CRACDL: variants seen among roughly 807,000 people sequenced by gnomAD.
The protein encoded by CRACDL is CRACD-like protein.
In CRACDL, 26 loss-of-function variants were observed where a neutral mutation model predicts 70.6. That is an observed-to-expected ratio of 0.37 (90% CI 0.27 to 0.51). The LOEUF is 0.51. CRACDL is among the 20% of genes least tolerant of loss of function. The pLI is 0.94. For missense variants in CRACDL, 1,283 were observed against 1,376.9 expected (o/e 0.93, Z 1.08); for synonymous variants, 618 against 615.2 (o/e 1.00, Z -0.07).
At chr2:98,803,947 G>C (rs1704186551) in intron 7 of CRACDL, among the ~76,000 whole-genome samples, 1 of 152,092 alleles carries the variant, frequency 6.6e-6, no homozygotes, top group Non-Finnish European at 1.5e-5. Context: ...GGGACACATG[G>C]GGCCACACCA....
chr2:98,797,308 T>G (rs1180303148), intron 8 of CRACDL, 42 bp downstream of exon 8: 4 of 1,589,436 alleles, frequency 2.5e-6, no homozygotes, highest in Non-Finnish European at 3.4e-6. Context: ...AGCTGGCTGC[T>G]CCCTCCTGCA....
intron 1 of CRACDL, among the ~76,000 whole-genome samples, chr2:98,866,319 G>A (rs1320786958): frequency 6.6e-6 from 1 of 151,954 alleles, no homozygotes; most frequent in Non-Finnish European, 1.5e-5. Flanking sequence ...GGTAAAACTG[G>A]AAGACTAACT....
intron 3 of CRACDL, among the ~76,000 whole-genome samples, chr2:98,833,592 G>A (rs1046283025): frequency 1.3e-5 from 2 of 152,208 alleles, no homozygotes; most frequent in Non-Finnish European, 2.9e-5. Flanking sequence ...CTAGATCCTG[G>A]AGCAGAGATG....
At chr2:98,820,420 G>A (rs1704980236) in intron 7 of CRACDL, among the ~76,000 whole-genome samples, 2 of 151,264 alleles carry the variant, frequency 1.3e-5, no homozygotes, top group Admixed American at 6.6e-5. Flanking sequence ...TGTAATCCCA[G>A]CTACTTGGGA....
At chr2:98,880,941 C>A (rs930112461) in intron 1 of CRACDL, among the ~76,000 whole-genome samples, 6 of 152,218 alleles carry the variant, frequency 3.9e-5, no homozygotes, top group African/African-American at 1.4e-4. Flanking sequence ...TTGCAGAATG[C>A]CCTTTTTAAT....
chr2:98,875,487 A>C (rs1707465100), intron 1 of CRACDL, among the ~76,000 whole-genome samples: 1 of 152,170 alleles, frequency 6.6e-6, no homozygotes, highest in Non-Finnish European at 1.5e-5. Flanking sequence ...GTGTGATGAG[A>C]CAGGCCACTG....
chr2:98,874,012 A>T (rs922845752), intron 1 of CRACDL, among the ~76,000 whole-genome samples: 1 of 152,108 alleles, frequency 6.6e-6, no homozygotes, highest in African/African-American at 2.4e-5. Context: ...TCTCAAAAAT[A>T]AAAAAAAGAA....
chr2:98,832,873 T>G lies in CRACDL; in HGVS notation c.364A>C (p.Lys122Gln). 3.1e-6 allele frequency: 5 copies of G among 1,614,164 alleles called. No individual in the cohort carries two copies. The highest frequency in any genetic ancestry group is 4.2e-6 in the Non-Finnish European group (5 of 1,180,020). Residue 122 changes from lysine to glutamine, a missense_variant, in exon 4 of 10, where the codon AAA becomes CAA. Physicochemically the swap from Lys to Gln is moderately conservative, Grantham distance 53. Around this residue, in one of 2 missense-constraint regions of CRACDL, gnomAD observed 362 missense variants for 495.0 expected, o/e 0.73. Coordinates refer to ENST00000397899, the MANE Select transcript of CRACDL (RefSeq NM_207362.3). ...FSQENVCDRIKALQLKIQCNV... is the reference protein window; with the variant it reads ...FSQENVCDRIQALQLKIQCNV... Reference sequence around the variant, plus strand: ...AAGGAAACATTTACCTGCAGAGCTTTAATCCGATCACACACATTTTCTTGG... The same window carrying G: ...AAGGAAACATTTACCTGCAGAGCTTGAATCCGATCACACACATTTTCTTGG...
chr2:98,865,715 C>T (rs887612896), intron 1 of CRACDL, among the ~76,000 whole-genome samples: 1 of 151,920 alleles, frequency 6.6e-6, no homozygotes, highest in Admixed American at 6.6e-5. Flanking sequence ...GACTTGACAG[C>T]TGTACCCACA....
At chr2:98,853,594 T>C (rs1037326313) in intron 1 of CRACDL, among the ~76,000 whole-genome samples, 10 of 152,180 alleles carry the variant, frequency 6.6e-5, no homozygotes, top group African/African-American at 2.4e-4. Context: ...GAATGAAGCA[T>C]AATGAATGTG....
intron 1 of CRACDL, among the ~76,000 whole-genome samples, chr2:98,931,154 G>A (rs566316841): frequency 2.0e-5 from 3 of 152,050 alleles, no homozygotes; most frequent in East Asian, 1.9e-4. Context: ...GAGAAACCTC[G>A]TCTCTACTAA....
intron 1 of CRACDL, among the ~76,000 whole-genome samples, chr2:98,861,884 A>G (rs765338808): frequency 6.6e-6 from 1 of 152,220 alleles, no homozygotes; most frequent in African/African-American, 2.4e-5. Context: ...TGCAGAAGCC[A>G]GTGTAAGCAA....
At chr2:98,891,916 A>C (rs1267646718) in intron 1 of CRACDL, among the ~76,000 whole-genome samples, 3 of 152,218 alleles carry the variant, frequency 2.0e-5, no homozygotes, top group African/African-American at 4.8e-5. Flanking sequence ...GTAAAAATTC[A>C]ATTGAAAAGT....
chr2:98,866,468 AC>A (rs1403843533), intron 1 of CRACDL, among the ~76,000 whole-genome samples: 2 of 99,686 alleles, frequency 2.0e-5, no homozygotes, highest in African/African-American at 9.3e-5. Context: ...TGAAACAATC[AC>A]TTCTTCTTTT....
At chr2:98,913,279 A>T (rs926002862) in intron 1 of CRACDL, among the ~76,000 whole-genome samples, 1 of 152,124 alleles carries the variant, frequency 6.6e-6, no homozygotes, top group African/African-American at 2.4e-5. Context: ...TTGTAAAGGA[A>T]GTGTGTGGAG....
At chr2:98,914,998 T>C (rs541225173) in intron 1 of CRACDL, among the ~76,000 whole-genome samples, 1 of 152,266 alleles carries the variant, frequency 6.6e-6, no homozygotes, top group Admixed American at 6.5e-5. Context: ...TCCCCGGGTC[T>C]AGAAGACCCA....
intron 1 of CRACDL, among the ~76,000 whole-genome samples, chr2:98,903,311 G>A (rs1708328885): frequency 6.6e-6 from 1 of 152,154 alleles, no homozygotes; most frequent in African/African-American, 2.4e-5. Context: ...TGCGTTCACT[G>A]CTCCATCCCT....
chr2:98,923,280 A>G (rs1396529869), intron 1 of CRACDL, among the ~76,000 whole-genome samples: 3 of 152,068 alleles, frequency 2.0e-5, no homozygotes, highest in Non-Finnish European at 4.4e-5. Flanking sequence ...CAAAAAAAAA[A>G]AAAAAAGAAA....
intron 1 of CRACDL, among the ~76,000 whole-genome samples, chr2:98,889,277 A>AAGAGAG (rs1707889379): frequency 2.1e-5 from 3 of 142,590 alleles, no homozygotes; most frequent in African/African-American, 7.7e-5. Context: ...AAGAAACAGA[A>AAGAGAG]AAAGAGAGAG....
Sources: gnomAD v4.1 joint callset for allele counts (sites outside exome capture counted in the v4.1 genomes callset) on GRCh38, gnomAD v4.1.1 for gene constraint, gnomAD v4.1.1 regional missense constraint, MANE v1.5 for transcripts, NCBI Gene and HGNC (gene_info 2026-07-23, HGNC 2026-07-21) for gene names.